The following CT55 variants were observed in gnomAD, a reference collection of about 807,000 sequenced individuals.
The protein encoded by CT55 is cancer/testis antigen 55.
CT55 carries 1 observed loss-of-function variant against 12.6 expected under a neutral mutation model. That is an observed-to-expected ratio of 0.08 (90% CI 0.03 to 0.38). CT55 has a LOEUF of 0.38. Ranked by LOEUF, CT55 falls within the 10% of genes least tolerant of loss-of-function variation. The probability of loss-of-function intolerance (pLI) is 0.99; values close to 1 mark genes in which losing one functional copy is unlikely to be tolerated. For synonymous variants in CT55, 43 were observed against 49.7 expected, an observed-to-expected ratio of 0.87 and a Z score of 0.57; for missense variants, 109 against 135.4, an observed-to-expected ratio of 0.80 and a Z score of 0.97.
intron 3 of CT55, 81 bp downstream of exon 3, chrX:135,160,330 A>T: frequency 1.9e-6 from 2 of 1,028,158 alleles, no homozygotes; most frequent in Non-Finnish European, 2.6e-6. Flanking sequence ...GAAGCCAAGT[A>T]CACTGTAAAA....
chrX:135,166,357 C>G (rs782750563), intron 2 of CT55, among the ~76,000 whole-genome samples: 2 of 111,494 alleles, frequency 1.8e-5, no homozygotes, highest in African/African-American at 3.3e-5. Context: ...GGAAAAAAGC[C>G]ATAGGTTCAT....
chrX:135,163,504 ACAGT>A (rs2083570731), intron 2 of CT55, among the ~76,000 whole-genome samples: 1 of 111,969 alleles, frequency 8.9e-6, no homozygotes, highest in Non-Finnish European at 1.9e-5. Flanking sequence ...TTGAAAATAT[ACAGT>A]CAGAGGAGAC....
At chrX:135,161,328 A>C (rs2083561495) in intron 2 of CT55, among the ~76,000 whole-genome samples, 1 of 112,078 alleles carries the variant, frequency 8.9e-6, no homozygotes, top group Non-Finnish European at 1.9e-5. Context: ...ACAGATAAGC[A>C]GACAGCAAAA....
intron 2 of CT55, among the ~76,000 whole-genome samples, chrX:135,161,662 A>G (rs1556405212): frequency 1.8e-5 from 2 of 112,430 alleles, no homozygotes; most frequent in African/African-American, 6.5e-5. Context: ...ACTTAACTAT[A>G]GGATAAAATC....
At position 135,171,110 on chromosome X, in the gene CT55, C is replaced by T. The variant is rs1201632896; in HGVS notation, c.62G>A (p.Arg21Gln). The T allele has an allele frequency of 4.1e-6, 5 of 1,211,679 alleles. No individual in the cohort carries two copies. The highest frequency in any genetic ancestry group is 3.0e-5 in the East Asian group (1 of 33,829). The change falls in exon 1 of 6, where the codon CGA (arginine) becomes CAA (glutamine). Residue 21 changes from arginine (R) to glutamine (Q), a missense_variant. Physicochemically the swap from Arg to Gln is conservative, Grantham distance 43. Coordinates refer to ENST00000276241, the MANE Select transcript of CT55 (RefSeq NM_001031705.3). Reference protein sequence around the residue: ...FYGRTADPAERQGPQQQGLPQ... With the variant: ...FYGRTADPAEQQGPQQQGLPQ... Reference sequence around the variant, plus strand: ...GAGGCCCTGCTGCTGTGGGCCCTGTCGCTCTGCAGGGTCGGCCGTCCTCCC... The same window carrying T: ...GAGGCCCTGCTGCTGTGGGCCCTGTTGCTCTGCAGGGTCGGCCGTCCTCCC...
At chrX:135,165,184 A>G (rs1246524776) in intron 2 of CT55, among the ~76,000 whole-genome samples, 23 of 112,412 alleles carry the variant, frequency 2.0e-4, no homozygotes, top group African/African-American at 6.8e-4. Context: ...GGCAGGTCAT[A>G]AAACAGGTAC....
At chrX:135,161,755 A>C (rs1405367711) in intron 2 of CT55, among the ~76,000 whole-genome samples, 3 of 112,670 alleles carry the variant, frequency 2.7e-5, no homozygotes, top group African/African-American at 9.7e-5. Flanking sequence ...GGTTTTAAAA[A>C]TAGCCTAGTT....
In CT55 at chrX:135,160,441, T is replaced by C; in HGVS notation, c.394A>G (p.Ile132Val). Reference protein sequence around the residue: ...NEDNIYISNSIYFSIAIVSED... With the variant: ...NEDNIYISNSVYFSIAIVSED... ...GAAACAATGGCTATGGAAAAATAAA[T>C]GCTGTTACTAATATAAATATTATCT... Residue 132 changes from isoleucine (I) to valine (V), a missense_variant, in exon 3 of 6, where the codon ATT (isoleucine) becomes GTT (valine). By Grantham distance (29) the Ile-to-Val change is conservative. Coordinates refer to ENST00000276241, the MANE Select transcript of CT55 (RefSeq NM_001031705.3). 8.6e-7 allele frequency: 1 copy of C among 1,168,761 alleles called. No homozygotes were observed. The highest frequency in any genetic ancestry group is 1.1e-6 in the Non-Finnish European group (1 of 873,983).
chrX:135,165,573 G>A (rs1261625612), intron 2 of CT55, among the ~76,000 whole-genome samples: 2 of 111,243 alleles, frequency 1.8e-5, no homozygotes, highest in Non-Finnish European at 3.8e-5. Context: ...AAATCATAAA[G>A]GTCAGAGCAG....
At chrX:135,160,944 G>A (rs2083559923) in intron 2 of CT55, among the ~76,000 whole-genome samples, 1 of 111,614 alleles carries the variant, frequency 9.0e-6, no homozygotes, top group African/African-American at 3.3e-5. Context: ...GAATTATCTA[G>A]AGGGAGAACA....
At position 135,171,272 on chromosome X, in the gene CT55, A is replaced by G. The variant is rs1255752290; in HGVS notation, c.-101T>C. 1 of 1,139,227 alleles carries G rather than the reference A, an allele frequency of 8.8e-7. No individual in the cohort carries two copies. Among genetic ancestry groups the G allele is most frequent in the Non-Finnish European group, 1.2e-6 (1 of 855,610 alleles). 93.9% of individuals were successfully genotyped at this position (1,139,227 alleles called of 1,213,427 possible). A position where few individuals can be genotyped will look rare whatever the true frequency, so the allele number is the denominator to read the frequency against. On this transcript the variant is annotated 5_prime_UTR_variant, in exon 1 of 6. Transcript: ENST00000276241. Reference sequence around the variant, plus strand: ...CTCAGGTCACGGCGTCTCCTCAGGGACTCACTTCCTGCTTCTCCTCAGACA... The same window carrying G: ...CTCAGGTCACGGCGTCTCCTCAGGGGCTCACTTCCTGCTTCTCCTCAGACA...
chrX:135,161,336 A>G (rs1345062633), intron 2 of CT55, among the ~76,000 whole-genome samples: 1 of 112,021 alleles, frequency 8.9e-6, no homozygotes, highest in African/African-American at 3.3e-5. Flanking sequence ...GCAGACAGCA[A>G]AAAGCAGTTA....
intron 2 of CT55, among the ~76,000 whole-genome samples, chrX:135,167,809 G>A (rs1191853871): frequency 1.8e-5 from 2 of 110,667 alleles, no homozygotes; most frequent in African/African-American, 3.3e-5. Context: ...TTCTCAAAAG[G>A]AGACATACAA....
chrX:135,166,851 C>T (rs1318611683), intron 2 of CT55, among the ~76,000 whole-genome samples: 2 of 111,395 alleles, frequency 1.8e-5, no homozygotes, highest in Non-Finnish European at 3.8e-5. Flanking sequence ...ATCCCATTTA[C>T]AACACCTTCA....
chrX:135,163,291 C>T (rs139296452), intron 2 of CT55, among the ~76,000 whole-genome samples: 2,847 of 112,369 alleles, frequency 0.025, 90 homozygotes, highest in African/African-American at 0.087. Context: ...CTATTTTCCA[C>T]ATGCTCTGTG....
intron 1 of CT55, among the ~76,000 whole-genome samples, chrX:135,170,019 A>AT (rs1335776711): frequency 1.8e-5 from 2 of 111,480 alleles, no homozygotes; most frequent in African/African-American, 6.5e-5. Context: ...TTATTTTTTA[A>AT]TTTTTTGAGC....
chrX:135,163,678 A>C (rs2083571637), intron 2 of CT55, among the ~76,000 whole-genome samples: 1 of 111,865 alleles, frequency 8.9e-6, no homozygotes, highest in Non-Finnish European at 1.9e-5. Context: ...AACCCAGAGA[A>C]AGTTACAAAC....
At chrX:135,166,249 A>T (rs781977006) in intron 2 of CT55, among the ~76,000 whole-genome samples, 2 of 111,141 alleles carry the variant, frequency 1.8e-5, no homozygotes, top group East Asian at 2.8e-4. Context: ...CATTAAAAAA[A>T]TCATTCACCA....
intron 2 of CT55, among the ~76,000 whole-genome samples, chrX:135,161,223 C>T (rs2083561017): frequency 9.0e-6 from 1 of 111,621 alleles, no homozygotes; most frequent in South Asian, 3.8e-4. Context: ...GCATACAAAC[C>T]TTTTCCCTTG....
Sources: gnomAD v4.1 joint callset for allele counts (sites outside exome capture counted in the v4.1 genomes callset) on GRCh38, gnomAD v4.1.1 for gene constraint, MANE v1.5 for transcripts, NCBI Gene and HGNC (gene_info 2026-07-23, HGNC 2026-07-21) for gene names.